Variants in PTPRK observed in about 807,000 individuals in gnomAD.
PTPRK encodes protein tyrosine phosphatase receptor type K.
PTPRK carries 75 observed loss-of-function variants against 178.0 expected under a neutral mutation model. That is an observed-to-expected ratio of 0.42 (90% CI 0.35 to 0.51). The LOEUF (loss-of-function observed/expected upper bound fraction) is 0.51, where lower values mean the gene tolerates loss of function less well. PTPRK is among the 20% of genes least tolerant of loss of function. The pLI, the probability that PTPRK is intolerant of heterozygous loss-of-function variation, is 0.02. For synonymous variants in PTPRK, 637 were observed against 620.6 expected (o/e 1.03, Z -0.39); for missense variants, 1,441 against 1,797.8 (o/e 0.80, Z 3.59).
At chr6:128,291,191 G>A (rs977222631) in intron 3 of PTPRK, among the ~76,000 whole-genome samples, 3 of 152,058 alleles carry the variant, frequency 2.0e-5, no homozygotes, top group African/African-American at 7.2e-5. Context: ...TACAGAAGAG[G>A]TCAGAGGGAT....
intron 13 of PTPRK, among the ~76,000 whole-genome samples, chr6:128,024,164 T>A (rs1169312760): frequency 6.6e-6 from 1 of 152,202 alleles, no homozygotes; most frequent in Non-Finnish European, 1.5e-5. Context: ...TCAACCCAGA[T>A]GAACACACTA....
chr6:128,031,089 A>T (rs147074981), intron 13 of PTPRK, among the ~76,000 whole-genome samples: 210 of 152,312 alleles, frequency 1.4e-3, no homozygotes, highest in African/African-American at 4.9e-3. Flanking sequence ...AAATAAAATC[A>T]TACGTAGGGA....
At chr6:128,028,735 AG>A (rs1379364359) in intron 13 of PTPRK, among the ~76,000 whole-genome samples, 1 of 152,250 alleles carries the variant, frequency 6.6e-6, no homozygotes, top group Non-Finnish European at 1.5e-5. Context: ...CTCAATGCCT[AG>A]TGTAAGACAT....
intron 13 of PTPRK, among the ~76,000 whole-genome samples, chr6:128,056,346 C>A (rs1447070170): frequency 1.3e-5 from 2 of 152,138 alleles, no homozygotes; most frequent in Non-Finnish European, 2.9e-5. Context: ...AATTCAAAGA[C>A]CTCACGTCAT....
intron 13 of PTPRK, among the ~76,000 whole-genome samples, chr6:128,009,682 AGTATTAATG>A: frequency 6.6e-6 from 1 of 151,374 alleles, no homozygotes; most frequent in South Asian, 2.1e-4. Context: ...GCTTTAAGGC[AGTATTAATG>A]GTACTTGTCT....
intron 7 of PTPRK, among the ~76,000 whole-genome samples, chr6:128,130,891 GC>G (rs1794129069): frequency 6.6e-6 from 1 of 152,118 alleles, no homozygotes; most frequent in African/African-American, 2.4e-5. Context: ...TCTGAATGTT[GC>G]AAAGTTCTGG....
intron 7 of PTPRK, among the ~76,000 whole-genome samples, chr6:128,119,308 C>T (rs1374802838): frequency 2.6e-5 from 4 of 151,128 alleles, no homozygotes; most frequent in Admixed American, 1.3e-4. Flanking sequence ...ATTCCTGTTT[C>T]TTTACATTAA....
chr6:127,979,613 TGA>T (rs1775028714), intron 25 of PTPRK, among the ~76,000 whole-genome samples: 3 of 152,078 alleles, frequency 2.0e-5, no homozygotes, highest in Admixed American at 2.0e-4. Flanking sequence ...CAGGCAAGAG[TGA>T]CCACAGCAAG....
At chr6:128,210,839 G>C (rs889411947) in intron 6 of PTPRK, among the ~76,000 whole-genome samples, 1 of 151,926 alleles carries the variant, frequency 6.6e-6, no homozygotes, top group Non-Finnish European at 1.5e-5. Flanking sequence ...TAACCAGGTG[G>C]GTAAAATTTC....
chr6:128,517,702 A>G (rs1858292681), intron 1 of PTPRK, among the ~76,000 whole-genome samples: 1 of 152,254 alleles, frequency 6.6e-6, no homozygotes, highest in African/African-American at 2.4e-5. Context: ...AAGTCCCAAC[A>G]ATGCTCAGCC....
chr6:128,503,556 A>T lies in PTPRK; in HGVS notation c.100+16703T>A, dbSNP rs575702629. ...CTCTGTGCTATATACACTGCCTGGC[A>T]CAGAATGAACATGCATTTACTATTT... On this transcript the variant is annotated intron_variant, in intron 1 of 29. Transcript: ENST00000368226. 1.0e-3 allele frequency among the ~76,000 whole-genome samples: 157 copies of T among 152,340 alleles called. 1 individual carries two copies. The highest frequency in any genetic ancestry group is 3.5e-3 in the African/African-American group (145 of 41,584).
intron 2 of PTPRK, among the ~76,000 whole-genome samples, chr6:128,394,286 G>A (rs942919493): frequency 5.9e-5 from 9 of 152,126 alleles, no homozygotes; most frequent in Non-Finnish European, 1.3e-4. Context: ...AGACATTTGG[G>A]TTGTTTTTAG....
intron 1 of PTPRK, among the ~76,000 whole-genome samples, chr6:128,447,562 A>G (rs1029741177): frequency 1.3e-5 from 2 of 151,882 alleles, no homozygotes; most frequent in African/African-American, 2.4e-5. Flanking sequence ...TGCTTAATCT[A>G]TTATGAGTGC....
chr6:128,133,751 C>T (rs1794606666), intron 7 of PTPRK, among the ~76,000 whole-genome samples: 1 of 150,652 alleles, frequency 6.6e-6, no homozygotes, highest in Non-Finnish European at 1.5e-5. Flanking sequence ...CAGGGTCTCG[C>T]TATGTTGCTC....
intron 2 of PTPRK, among the ~76,000 whole-genome samples, chr6:128,368,363 T>C (rs1835811128): frequency 6.6e-6 from 1 of 150,992 alleles, no homozygotes; most frequent in African/African-American, 2.4e-5. Flanking sequence ...AGAGATGTAT[T>C]AACAATAAAC....
chr6:128,403,784 A>G (rs1841330940), intron 1 of PTPRK, among the ~76,000 whole-genome samples: 1 of 152,204 alleles, frequency 6.6e-6, no homozygotes, highest in African/African-American at 2.4e-5. Flanking sequence ...GTTTTACCTG[A>G]ACACTCATCA....
intron 13 of PTPRK, among the ~76,000 whole-genome samples, chr6:128,010,498 C>G (rs1157452451): frequency 6.6e-6 from 1 of 151,250 alleles, no homozygotes; most frequent in Non-Finnish European, 1.5e-5. Flanking sequence ...TATCCCCCTC[C>G]CCGCAACCCA....
intron 15 of PTPRK, 73 bp from the exon 16 acceptor site, chr6:127,998,977 T>C: frequency 1.5e-6 from 2 of 1,301,030 alleles, no homozygotes; most frequent in South Asian, 3.4e-5. Context: ...ATCTATGCAA[T>C]GAAGATTTTA....
At chr6:128,457,130 C>A (rs1227400525) in intron 1 of PTPRK, among the ~76,000 whole-genome samples, 1 of 152,052 alleles carries the variant, frequency 6.6e-6, no homozygotes, top group Non-Finnish European at 1.5e-5. Context: ...CTGCAAATAT[C>A]TCTCTAATAA....
Sources: gnomAD v4.1 joint callset for allele counts (sites outside exome capture counted in the v4.1 genomes callset) on GRCh38, gnomAD v4.1.1 for gene constraint, MANE v1.5 for transcripts, NCBI Gene and HGNC (gene_info 2026-07-23, HGNC 2026-07-21) for gene names.